The following ERBB4 variants were observed in gnomAD, a reference collection of about 807,000 sequenced individuals.
ERBB4 encodes the protein receptor tyrosine-protein kinase erbB-4.
Under a neutral mutation model 158.0 loss-of-function variants are expected in ERBB4, and 42 were observed. That is an observed-to-expected ratio of 0.27 (90% confidence interval 0.21 to 0.34). The LOEUF is 0.34. Ranked by LOEUF, ERBB4 falls within the 10% of genes least tolerant of loss-of-function variation. The probability of loss-of-function intolerance (pLI) is 1.00; values close to 1 mark genes in which losing one functional copy is unlikely to be tolerated. For synonymous variants in ERBB4, 583 were observed against 558.7 expected (o/e 1.04, Z -0.61); for missense variants, 1,333 against 1,624.1 (o/e 0.82, Z 3.08).
intron 1 of ERBB4, among the ~76,000 whole-genome samples, chr2:212,356,076 C>G (rs1413809166): frequency 6.6e-6 from 1 of 151,962 alleles, no homozygotes; most frequent in Non-Finnish European, 1.5e-5. Context: ...TATTGTTTAT[C>G]CTTACAATTA....
intron 20 of ERBB4, among the ~76,000 whole-genome samples, chr2:211,471,847 A>C (rs1011776469): frequency 6.6e-6 from 1 of 152,128 alleles, no homozygotes. Flanking sequence ...AGGAAGACTG[A>C]AGTAACAAAA....
chr2:212,182,888 T>A (rs1208054785), intron 1 of ERBB4, among the ~76,000 whole-genome samples: 2 of 151,058 alleles, frequency 1.3e-5, no homozygotes, highest in South Asian at 2.1e-4. Context: ...GGTTTTTTTT[T>A]ATTGATTTTT....
chr2:212,007,189 G>T (rs1424347634), intron 2 of ERBB4, among the ~76,000 whole-genome samples: 1 of 151,818 alleles, frequency 6.6e-6, no homozygotes, highest in Non-Finnish European at 1.5e-5. Flanking sequence ...ACAAAAGTGG[G>T]GTGGAACTGA....
At chr2:211,604,077 C>T (rs1042993873) in intron 19 of ERBB4, among the ~76,000 whole-genome samples, 9 of 152,182 alleles carry the variant, frequency 5.9e-5, no homozygotes, top group African/African-American at 1.9e-4. Flanking sequence ...TGACACACTG[C>T]AGATTGAGTC....
At chr2:212,374,448 T>C (rs912910560) in intron 1 of ERBB4, among the ~76,000 whole-genome samples, 3 of 151,880 alleles carry the variant, frequency 2.0e-5, no homozygotes, top group East Asian at 1.9e-4. Flanking sequence ...TTCCCATAAT[T>C]TCTCTGTGAC....
rs1000849925 is a variant in ERBB4, at chr2:211,807,145, A to AT, written c.422-18987dup. Among the ~76,000 whole-genome samples, 424 of 150,726 alleles carry AT rather than the reference A, an allele frequency of 2.8e-3. 3 individuals are homozygous for AT. The highest frequency in any genetic ancestry group is 9.5e-3 in the African/African-American group (392 of 41,112). On this transcript the variant is annotated intron_variant, in intron 3 of 27. Transcript: ENST00000342788. Reference sequence around the variant, plus strand: ...GAGTAGACAAAACAGGAGACTGTTGATTTTTTTTTTAATTATACTTTAAGT... The same window carrying AT: ...GAGTAGACAAAACAGGAGACTGTTGATTTTTTTTTTTAATTATACTTTAAGT...
intron 20 of ERBB4, among the ~76,000 whole-genome samples, chr2:211,522,665 A>G (rs189692101): frequency 3.3e-5 from 5 of 152,318 alleles, no homozygotes; most frequent in African/African-American, 1.2e-4. Context: ...GGAAGAGTCA[A>G]TAAATAATGG....
At chr2:211,387,279 T>TC (rs1294021522) in intron 26 of ERBB4, 129 bp from the exon 27 acceptor site, 2 of 807,136 alleles carry the variant, frequency 2.5e-6, no homozygotes, top group Non-Finnish European at 4.3e-6. Flanking sequence ...TGGTTTTTTT[T>TC]CCCCTAGTGG....
At chr2:212,360,765 T>C (rs1400320254) in intron 1 of ERBB4, among the ~76,000 whole-genome samples, 1 of 151,718 alleles carries the variant, frequency 6.6e-6, no homozygotes, top group East Asian at 1.9e-4. Flanking sequence ...CATGCTACTC[T>C]TTCAGTGTGT....
At chr2:212,370,215 T>A (rs1412522197) in intron 1 of ERBB4, among the ~76,000 whole-genome samples, 5 of 152,162 alleles carry the variant, frequency 3.3e-5, no homozygotes, top group African/African-American at 1.2e-4. Context: ...GGCTTCCCCC[T>A]TCACTCAGAA....
At chr2:211,401,096 A>T (rs890133760) in intron 25 of ERBB4, among the ~76,000 whole-genome samples, 1 of 152,076 alleles carries the variant, frequency 6.6e-6, no homozygotes, top group Non-Finnish European at 1.5e-5. Context: ...TTGAAAATTA[A>T]AACTGCTATG....
At chr2:212,132,715 C>T (rs554539223) in intron 1 of ERBB4, among the ~76,000 whole-genome samples, 171 of 152,228 alleles carry the variant, frequency 1.1e-3, no homozygotes, top group Non-Finnish European at 1.9e-3. Flanking sequence ...GATTGTGAGA[C>T]TTCTCAGCCT....
intron 1 of ERBB4, among the ~76,000 whole-genome samples, chr2:212,223,378 A>G (rs1259483502): frequency 6.8e-6 from 1 of 147,230 alleles, no homozygotes; most frequent in Non-Finnish European, 1.5e-5. Context: ...AGATAGATAT[A>G]TACCTATATT....
chr2:211,690,811 CA>C (rs1209395049), intron 12 of ERBB4, among the ~76,000 whole-genome samples: 4 of 152,124 alleles, frequency 2.6e-5, no homozygotes, highest in African/African-American at 9.7e-5. Flanking sequence ...GCTTACAGTT[CA>C]AAAGGCCATT....
intron 1 of ERBB4, among the ~76,000 whole-genome samples, chr2:212,236,085 A>T (rs2083860549): frequency 6.6e-6 from 1 of 152,136 alleles, no homozygotes; most frequent in East Asian, 1.9e-4. Context: ...CCCATTCAGT[A>T]TGATAGTGGC....
At chr2:211,996,590 A>G (rs1046145481) in intron 2 of ERBB4, among the ~76,000 whole-genome samples, 1 of 152,196 alleles carries the variant, frequency 6.6e-6, no homozygotes, top group African/African-American at 2.4e-5. Flanking sequence ...TACTTGCCCA[A>G]TTAAAAAAAT....
intron 1 of ERBB4, chr2:212,426,211 A>C (rs1278541471): frequency 6.2e-6 from 3 of 484,294 alleles, no homozygotes; most frequent in Admixed American, 2.5e-5. Flanking sequence ...ATCTGAGAAT[A>C]AGTTTTGAAT....
At chr2:211,411,921 G>A (rs1257468147) in intron 25 of ERBB4, among the ~76,000 whole-genome samples, 3 of 152,022 alleles carry the variant, frequency 2.0e-5, no homozygotes, top group Admixed American at 1.3e-4. Flanking sequence ...TTGGTACAAT[G>A]TAAACACTAT....
At chr2:212,316,823 C>G (rs987334985) in intron 1 of ERBB4, among the ~76,000 whole-genome samples, 3 of 151,568 alleles carry the variant, frequency 2.0e-5, no homozygotes, top group Non-Finnish European at 4.4e-5. Context: ...TAAACAGGTA[C>G]ATGTATGATA....
Sources: gnomAD v4.1 joint callset for allele counts (sites outside exome capture counted in the v4.1 genomes callset) on GRCh38, gnomAD v4.1.1 for gene constraint, MANE v1.5 for transcripts, NCBI Gene and HGNC (gene_info 2026-07-23, HGNC 2026-07-21) for gene names.